MGAT4C: variants seen among roughly 807,000 people sequenced by gnomAD.
MGAT4C encodes MGAT4 family member C.
In MGAT4C, 19 loss-of-function variants were observed where a neutral mutation model predicts 40.1. The observed-to-expected ratio is 0.47, with a 90% confidence interval of 0.33 to 0.70. The LOEUF is 0.70. Among genes scored for constraint, MGAT4C ranks in the 30% least tolerant of loss-of-function variants. The pLI is 0.02. For missense variants in MGAT4C, 491 were observed against 563.2 expected (o/e 0.87, Z 1.30); for synonymous variants, 181 against 187.1 (o/e 0.97, Z 0.27).
intron 2 of MGAT4C, among the ~76,000 whole-genome samples, chr12:86,553,421 A>G (rs931506485): frequency 2.0e-5 from 3 of 151,086 alleles, no homozygotes; most frequent in African/African-American, 7.3e-5. Flanking sequence ...CTGAATCAAT[A>G]AAGCTTCACA....
intron 1 of MGAT4C, among the ~76,000 whole-genome samples, chr12:86,240,713 C>T (rs1042161447): frequency 1.2e-4 from 18 of 152,110 alleles, no homozygotes; most frequent in Non-Finnish European, 2.5e-4. Flanking sequence ...TCTTTTACTC[C>T]TAAATATTTG....
intron 1 of MGAT4C, among the ~76,000 whole-genome samples, chr12:86,107,320 T>C: frequency 6.6e-6 from 1 of 152,142 alleles, no homozygotes; most frequent in South Asian, 2.1e-4. Flanking sequence ...TCAAAGCCAG[T>C]TCTCTTTTTT....
chr12:86,715,169 A>G (rs971878799), intron 2 of MGAT4C, among the ~76,000 whole-genome samples: 2 of 152,174 alleles, frequency 1.3e-5, no homozygotes, highest in Non-Finnish European at 2.9e-5. Flanking sequence ...ATCCCCACAC[A>G]AAATCTTTTA....
chr12:86,371,576 T>C (rs182519805), intron 3 of MGAT4C, among the ~76,000 whole-genome samples: 1 of 151,984 alleles, frequency 6.6e-6, no homozygotes, highest in Admixed American at 6.6e-5. Context: ...TTTAAATTTT[T>C]AAAAAATATG....
chr12:86,416,441 C>T (rs375463471), intron 3 of MGAT4C, among the ~76,000 whole-genome samples: 1 of 152,124 alleles, frequency 6.6e-6, no homozygotes, highest in East Asian at 1.9e-4. Context: ...GACTGAATAG[C>T]TGTGACATTA....
chr12:86,481,854 C>A (rs1052952479), intron 2 of MGAT4C, among the ~76,000 whole-genome samples: 2 of 151,730 alleles, frequency 1.3e-5, no homozygotes, highest in Admixed American at 1.3e-4. Flanking sequence ...TGGCCTCAAG[C>A]AATTCTCCCA....
intron 2 of MGAT4C, among the ~76,000 whole-genome samples, chr12:86,678,492 A>T (rs1366375629): frequency 6.6e-6 from 1 of 151,310 alleles, no homozygotes; most frequent in African/African-American, 2.4e-5. Context: ...GGTTAGTTAC[A>T]TATGTATACA....
Position 86,427,079 on chromosome 12 carries a change from G to T in MGAT4C, c.-120+8078C>A, listed in dbSNP as rs112102980. 3.2e-3 allele frequency among the ~76,000 whole-genome samples: 493 copies of T among 152,246 alleles called. 1 individual carries two copies. The highest frequency in any genetic ancestry group is 0.011 in the African/African-American group (476 of 41,544). ...TCAGCTAACTGGGGAAGGAGGTATT[G>T]GGGAAAGAAAGGCCATCACAGATTT... is the stretch of plus-strand genomic sequence containing the variant. On this transcript the variant is annotated intron_variant, in intron 3 of 7. Coordinates refer to the MGAT4C transcript ENST00000548651.
intron 1 of MGAT4C, among the ~76,000 whole-genome samples, chr12:86,158,505 G>T (rs1280621937): frequency 6.6e-6 from 1 of 152,042 alleles, no homozygotes; most frequent in East Asian, 1.9e-4. Flanking sequence ...TTTAAAAACT[G>T]TAACTTTATT....
chr12:86,126,675 G>T (rs1200314812), intron 1 of MGAT4C, among the ~76,000 whole-genome samples: 2 of 152,114 alleles, frequency 1.3e-5, no homozygotes, highest in Non-Finnish European at 2.9e-5. Context: ...ATGCAGACCA[G>T]TTAAAAATAA....
chr12:86,226,681 T>C (rs1237562466), intron 1 of MGAT4C, among the ~76,000 whole-genome samples: 2 of 151,956 alleles, frequency 1.3e-5, no homozygotes, highest in Admixed American at 1.3e-4. Flanking sequence ...AGAGGAATCA[T>C]GTTCCTAAAA....
chr12:85,994,751 T>A (rs1412588951), intron 2 of MGAT4C, among the ~76,000 whole-genome samples: 1 of 152,176 alleles, frequency 6.6e-6, no homozygotes, highest in Admixed American at 6.5e-5. Flanking sequence ...GACTCCGGGA[T>A]TAGTCCATAT....
chr12:86,619,239 G>C (rs958948514), intron 2 of MGAT4C, among the ~76,000 whole-genome samples: 1 of 152,144 alleles, frequency 6.6e-6, no homozygotes, highest in East Asian at 1.9e-4. Context: ...AGATATATAT[G>C]TCTTGTTTTC....
intron 1 of MGAT4C, among the ~76,000 whole-genome samples, chr12:86,233,175 A>G (rs1951399387): frequency 2.6e-5 from 4 of 152,176 alleles, no homozygotes; most frequent in Admixed American, 2.6e-4. Context: ...TGCAATGTGA[A>G]TTAAATGGGT....
intron 1 of MGAT4C, among the ~76,000 whole-genome samples, chr12:86,133,603 C>T (rs1881547112): frequency 6.6e-6 from 1 of 152,114 alleles, no homozygotes; most frequent in Non-Finnish European, 1.5e-5. Flanking sequence ...GCACTAACTT[C>T]CTACACTTAT....
At chr12:86,358,768 A>G (rs1443900299) in intron 3 of MGAT4C, among the ~76,000 whole-genome samples, 1 of 152,240 alleles carries the variant, frequency 6.6e-6, no homozygotes, top group African/African-American at 2.4e-5. Context: ...ATTCAACAAG[A>G]AGAGCTAACT....
rs1883756586 is a variant in MGAT4C, at chr12:85,973,781, A to G, written c.*5508T>C. The G allele has an allele frequency of 6.6e-6, 1 of 150,942 alleles. No individual in the cohort carries two copies. The highest frequency in any genetic ancestry group is 6.6e-5 in the Admixed American group (1 of 15,092). The allele number at this position is 150,942 out of a possible 1,614,324, so 9.4% of individuals were successfully genotyped here. A position where few individuals can be genotyped will look rare whatever the true frequency, so the allele number is the denominator to read the frequency against. The stretch of plus-strand genomic sequence containing the variant: ...GACCGTCTAGACAGAGTGAAATGAA[A>G]GCTGAAACAACAGTCAAATCAAAAA... On this transcript the variant is annotated 3_prime_UTR_variant, in exon 5 of 5. Coordinates refer to ENST00000611864, the MANE Select transcript of MGAT4C (RefSeq NM_001351288.2).
At chr12:86,642,491 A>G (rs1468294752) in intron 2 of MGAT4C, among the ~76,000 whole-genome samples, 1 of 151,836 alleles carries the variant, frequency 6.6e-6, no homozygotes, top group African/African-American at 2.4e-5. Flanking sequence ...ATGATAGAAT[A>G]CTATTATTAA....
intron 3 of MGAT4C, among the ~76,000 whole-genome samples, chr12:86,384,763 T>C (rs1019187005): frequency 1.3e-5 from 2 of 152,230 alleles, no homozygotes; most frequent in African/African-American, 4.8e-5. Flanking sequence ...CTGTTTAACG[T>C]CCAGTAATCT....
Sources: gnomAD v4.1 joint callset for allele counts (sites outside exome capture counted in the v4.1 genomes callset) on GRCh38, gnomAD v4.1.1 for gene constraint, MANE v1.5 for transcripts, NCBI Gene and HGNC (gene_info 2026-07-23, HGNC 2026-07-21) for gene names.